NCOR2: variants seen among roughly 807,000 people sequenced by gnomAD.
NCOR2 encodes the protein CTG repeat protein 26.
In NCOR2, 81 loss-of-function variants were observed where a neutral mutation model predicts 262.9. The ratio of observed to expected loss-of-function variants is 0.31; its 90% CI spans 0.26 to 0.37. NCOR2 has a LOEUF of 0.37. NCOR2 is among the 10% of genes least tolerant of loss of function. NCOR2 has a pLI of 1.00. For missense variants in NCOR2, 3,385 were observed against 3,621.4 expected, an observed-to-expected ratio of 0.93 and a Z score of 1.68; for synonymous variants, 1,659 against 1,559.3, an observed-to-expected ratio of 1.06 and a Z score of -1.51.
intron 1 of NCOR2, among the ~76,000 whole-genome samples, chr12:124,493,161 C>T (rs2048186530): frequency 6.6e-6 from 1 of 152,200 alleles, no homozygotes; most frequent in Non-Finnish European, 1.5e-5. Context: ...AGCCAGTGAC[C>T]CCGAGGGCCC....
At chr12:124,466,038 T>A in intron 5 of NCOR2, 135 bp downstream of exon 7, 1 of 862,238 alleles carries the variant, frequency 1.2e-6, no homozygotes, top group Non-Finnish European at 1.8e-6. Context: ...TCATAAACCC[T>A]GCGTCTCTGG....
chr12:124,362,201 T>A, exon 22 of NCOR2: 1 of 1,311,380 alleles, frequency 7.6e-7, no homozygotes, highest in Non-Finnish European at 9.7e-7. Flanking sequence ...GGGGCGTCGC[T>A]CTCCGGCTGC....
chr12:124,387,521 G>A (rs1415773267), intron 16 of NCOR2, among the ~76,000 whole-genome samples: 1 of 152,202 alleles, frequency 6.6e-6, no homozygotes, highest in African/African-American at 2.4e-5. Context: ...TGGGGCCCCA[G>A]ACTTCCTGCC....
At chr12:124,471,493 C>T (rs1358283691) in intron 4 of NCOR2, among the ~76,000 whole-genome samples, 2 of 152,218 alleles carry the variant, frequency 1.3e-5, no homozygotes, top group Non-Finnish European at 2.9e-5. Context: ...AAGGAGAGGA[C>T]CACTGTATAA....
exon 36 of NCOR2, chr12:124,340,322 C>T (rs964778775): frequency 5.2e-5 from 84 of 1,612,264 alleles, no homozygotes; most frequent in African/African-American, 2.8e-4. Context: ...CGTGCTCCAC[C>T]GTCGTGGTGG....
rs1555222718 is a variant in NCOR2 at position 124,433,904 on chromosome 12, A to ACACACACACACACACACACACACG, written c.883-3118_883-3117insCGTGTGTGTGTGTGTGTGTGTGTG. 4.2e-3 allele frequency among the ~76,000 whole-genome samples: 392 copies of ACACACACACACACACACACACACG among 93,894 alleles called. 24 individuals are homozygous for ACACACACACACACACACACACACG. Among genetic ancestry groups the ACACACACACACACACACACACACG allele is most frequent in the Non-Finnish European group, 6.3e-3 (297 of 47,058 alleles). 61.6% of individuals were successfully genotyped at this position (93,894 alleles called of 152,430 possible). On this transcript the variant is annotated intron_variant, in intron 8 of 46. Transcript: ENST00000405201. ...CACACACACACACACACACACGCAC[A>ACACACACACACACACACACACACG]CACACACACAGGGAAAGACTGGAGC... is the stretch of plus-strand genomic sequence containing the variant.
At chr12:124,417,095 C>A (rs61932028) in intron 13 of NCOR2, among the ~76,000 whole-genome samples, 2 of 115,334 alleles carry the variant, frequency 1.7e-5, no homozygotes, top group Non-Finnish European at 1.9e-5. Context: ...AGTCACTCCA[C>A]GGAGAGCAGG....
At chr12:124,418,467 G>GA (rs1476432558) in intron 13 of NCOR2, among the ~76,000 whole-genome samples, 1 of 27,732 alleles carries the variant, frequency 3.6e-5, no homozygotes, top group Non-Finnish European at 1.6e-4. Flanking sequence ...GGCAGCCTGG[G>GA]AAAGGGAAGG....
upstream of NCOR2, among the ~76,000 whole-genome samples, chr12:124,539,973 G>A (rs2051238880): frequency 6.6e-6 from 1 of 152,086 alleles, no homozygotes; most frequent in Non-Finnish European, 1.5e-5. This position sits in a 1 kb window ranked among gnomAD's most constrained non-coding sequence, Gnocchi z 5.1. Context: ...CCCAGAGGCA[G>A]CTTCGACCTG....
chr12:124,385,475 G>A (rs1437324683), intron 17 of NCOR2, among the ~76,000 whole-genome samples: 1 of 152,202 alleles, frequency 6.6e-6, no homozygotes, highest in Non-Finnish European at 1.5e-5. Flanking sequence ...CCCCAGAGGT[G>A]TCTGTCTGAG....
chr12:124,418,864 T>G (rs568381904), intron 13 of NCOR2, among the ~76,000 whole-genome samples: 1 of 152,326 alleles, frequency 6.6e-6, no homozygotes, highest in African/African-American at 2.4e-5. Flanking sequence ...GCCAGGCACG[T>G]AGTGCTTCCA....
rs1481923125 is a variant in NCOR2 at position 124,483,740 on chromosome 12, G to A, written c.267C>T (p.His89=). The change falls in exon 3 of 47, where the codon CAC becomes CAT. Residue 89 remains histidine (H), a synonymous_variant. Transcript: ENST00000405201. This position sits in a 1 kb window ranked among gnomAD's most constrained non-coding sequence, Gnocchi z 6.3. ...ACTTCCCCAGCTCGGGCAGGTATGAGTGGGACTCTGGCCGCAGGTGGAGCT... is the reference window on the plus strand; with the variant it reads ...ACTTCCCCAGCTCGGGCAGGTATGAATGGGACTCTGGCCGCAGGTGGAGCT... 1.9e-6 allele frequency: 3 copies of A among 1,610,118 alleles called. No homozygotes were observed. Among genetic ancestry groups the A allele is most frequent in the East Asian group, 2.2e-5 (1 of 44,800 alleles).
chr12:124,565,011 G>A (rs2052189134), intron 1 of NCOR2, among the ~76,000 whole-genome samples: 1 of 151,958 alleles, frequency 6.6e-6, no homozygotes, highest in African/African-American at 2.4e-5. Flanking sequence ...TCTTTAGGAG[G>A]TGGCATGAGT....
chr12:124,490,513 G>C (rs1342127977), intron 1 of NCOR2, among the ~76,000 whole-genome samples: 1 of 152,022 alleles, frequency 6.6e-6, no homozygotes, highest in East Asian at 1.9e-4. Context: ...CCCAGCATGG[G>C]AGCTCCCACC....
chr12:124,536,874 T>C (rs749598912), upstream of NCOR2, among the ~76,000 whole-genome samples: 7 of 152,142 alleles, frequency 4.6e-5, no homozygotes, highest in Non-Finnish European at 8.8e-5. Context: ...TTATGCACAA[T>C]CGCAGAACAA....
At chr12:124,398,933 A>T (rs2041843466) in intron 15 of NCOR2, among the ~76,000 whole-genome samples, 2 of 152,172 alleles carry the variant, frequency 1.3e-5, no homozygotes, top group Admixed American at 1.3e-4. Context: ...CTGCAGTGGC[A>T]CTATTTTTGG....
At chr12:124,536,840 C>T (rs1386458315), upstream of NCOR2, among the ~76,000 whole-genome samples, 3 of 152,226 alleles carry the variant, frequency 2.0e-5, no homozygotes, top group South Asian at 2.1e-4. Flanking sequence ...CACACAGACT[C>T]GCGCACAAAT....
Position 124,501,062 on chromosome 12 carries a change from GCACACACACACACACACACACACACA to G in NCOR2, c.-117-5720_-117-5695del, listed in dbSNP as rs3040848. On this transcript the variant is annotated intron_variant, in intron 1 of 46. Coordinates refer to the NCOR2 transcript ENST00000404621. ...ACGGCACGAGCGCGCGCGCACGCGCGCACACACACACACACACACACACACACACACACACACACACACACTCGACA... is the reference window on the plus strand; with the variant it reads ...ACGGCACGAGCGCGCGCGCACGCGCGCACACACACACACACACACTCGACA... 7.2e-4 allele frequency among the ~76,000 whole-genome samples: 107 copies of G among 147,918 alleles called. 1 individual carries two copies. Among genetic ancestry groups the G allele is most frequent in the African/African-American group, 2.4e-3 (96 of 39,640 alleles).
rs1020784948 is a variant in NCOR2 at position 124,409,973 on chromosome 12, C to T, written c.1483-7412G>A. 6.6e-5 allele frequency among the ~76,000 whole-genome samples: 10 copies of T among 151,832 alleles called. 1 individual carries two copies. The highest frequency in any genetic ancestry group is 1.9e-4 in the African/African-American group (8 of 41,318). ...GGATTACAGGCATGAGCCACCGCAC[C>T]GGGGTGACCTTGTTTGTCTTGTCCA... On this transcript the variant is annotated intron_variant, in intron 13 of 46. Transcript: ENST00000405201.
Sources: gnomAD v4.1 joint callset for allele counts (sites outside exome capture counted in the v4.1 genomes callset) on GRCh38, gnomAD v4.1.1 for gene constraint, Gnocchi (gnomAD v3.1) non-coding constraint, MANE v1.5 for transcripts, NCBI Gene and HGNC (gene_info 2026-07-23, HGNC 2026-07-21) for gene names.